The following HPSE2 variants were observed in gnomAD, a reference collection of about 807,000 sequenced individuals.
The protein encoded by HPSE2 is inactive heparanase-2.
In HPSE2, 38 loss-of-function variants were observed where a neutral mutation model predicts 60.5. The ratio of observed to expected loss-of-function variants is 0.63; its 90% CI spans 0.48 to 0.82. HPSE2 has a LOEUF of 0.82. HPSE2 is among the 40% of genes least tolerant of loss of function. The probability of loss-of-function intolerance (pLI) is 0.00; values close to 1 mark genes in which losing one functional copy is unlikely to be tolerated. For missense variants in HPSE2, 713 were observed against 740.4 expected, an observed-to-expected ratio of 0.96 and a Z score of 0.43; for synonymous variants, 295 against 293.2, an observed-to-expected ratio of 1.01 and a Z score of -0.06.
intron 9 of HPSE2, among the ~76,000 whole-genome samples, chr10:98,521,272 A>G (rs962428083): frequency 1.3e-5 from 2 of 152,222 alleles, no homozygotes; most frequent in African/African-American, 4.8e-5. Flanking sequence ...AGAATCTACA[A>G]AGAACTCAAA....
At chr10:98,839,118 T>C (rs1193380780) in intron 3 of HPSE2, among the ~76,000 whole-genome samples, 1 of 152,200 alleles carries the variant, frequency 6.6e-6, no homozygotes, top group East Asian at 1.9e-4. Context: ...ATTTACTTCA[T>C]TCATCTAGAC....
At chr10:98,817,233 C>T (rs756768494) in intron 3 of HPSE2, among the ~76,000 whole-genome samples, 19 of 152,110 alleles carry the variant, frequency 1.2e-4, no homozygotes, top group Non-Finnish European at 1.9e-4. Flanking sequence ...TTATAAGTTT[C>T]GGATTCTTTA....
At chr10:98,771,293 T>A (rs1950235055) in intron 3 of HPSE2, among the ~76,000 whole-genome samples, 1 of 152,198 alleles carries the variant, frequency 6.6e-6, no homozygotes, top group Admixed American at 6.6e-5. Flanking sequence ...CTATCAGGGC[T>A]ATATTGGAAA....
chr10:99,300,631 G>A, the HPSE2 span, among the ~76,000 whole-genome samples: 60 of 152,324 alleles, frequency 3.9e-4, no homozygotes, highest in African/African-American at 1.3e-3. Context: ...TTCAGTTTGG[G>A]ATGCCTCATG....
At chr10:98,824,861 C>CA (rs1951506518) in intron 3 of HPSE2, among the ~76,000 whole-genome samples, 1 of 152,208 alleles carries the variant, frequency 6.6e-6, no homozygotes, top group Non-Finnish European at 1.5e-5. Context: ...TAGCAGGCTT[C>CA]ATTGCAGTTA....
At chr10:99,218,253 T>C (rs1456459933) in intron 2 of HPSE2, among the ~76,000 whole-genome samples, 2 of 150,830 alleles carry the variant, frequency 1.3e-5, no homozygotes, top group African/African-American at 2.4e-5. Flanking sequence ...TTGAGTTTCC[T>C]TGAAGCTTTC....
chr10:99,142,744 A>C (rs1277136266), intron 3 of HPSE2, among the ~76,000 whole-genome samples: 2 of 152,128 alleles, frequency 1.3e-5, no homozygotes, highest in African/African-American at 2.4e-5. Flanking sequence ...ATTCCACTAA[A>C]CTCAATAGAA....
At chr10:99,257,920 A>C in the HPSE2 span, among the ~76,000 whole-genome samples, 2 of 152,110 alleles carry the variant, frequency 1.3e-5, no homozygotes, top group South Asian at 4.1e-4. Flanking sequence ...CACTTAGGGA[A>C]AATAGAAAAG....
chr10:98,768,870 G>A (rs2801411), intron 3 of HPSE2, among the ~76,000 whole-genome samples: 16,097 of 152,028 alleles, frequency 0.11, 2,126 homozygotes, highest in African/African-American at 0.3. Context: ...GGCCAACATC[G>A]TGAAACCTCA....
chr10:98,573,508 G>A (rs1388234426), intron 9 of HPSE2, among the ~76,000 whole-genome samples: 1 of 152,166 alleles, frequency 6.6e-6, no homozygotes, highest in African/African-American at 2.4e-5. Flanking sequence ...CAAGAATGAA[G>A]AGAACATTTG....
At chr10:98,968,621 TAAAGAA>T (rs1955873778) in intron 3 of HPSE2, among the ~76,000 whole-genome samples, 1 of 152,076 alleles carries the variant, frequency 6.6e-6, no homozygotes, top group African/African-American at 2.4e-5. Context: ...AATGAGTAGA[TAAAGAA>T]AATGTGGTAT....
At chr10:98,818,943 G>C (rs1951354120) in intron 3 of HPSE2, among the ~76,000 whole-genome samples, 1 of 152,142 alleles carries the variant, frequency 6.6e-6, no homozygotes, top group Admixed American at 6.5e-5. Context: ...TTTGTAAGGT[G>C]GATAAAGTGA....
chr10:98,725,513 T>A (rs1422923159), intron 4 of HPSE2, among the ~76,000 whole-genome samples: 1 of 152,182 alleles, frequency 6.6e-6, no homozygotes, highest in Non-Finnish European at 1.5e-5. Flanking sequence ...GACTTAAATG[T>A]TAGACCTAAA....
Position 98,520,351 on chromosome 10 carries a change from T to C in HPSE2, c.1321-30155A>G, listed in dbSNP as rs369641556. ...CCAGTGCCTCCATTTCTCTCCTCGC[T>C]CGTGAGCAGTTCAGATGCTAGACAG... is the stretch of plus-strand genomic sequence containing the variant. On this transcript the variant is annotated intron_variant, in intron 9 of 11. Transcript: ENST00000370552. Among the ~76,000 whole-genome samples the C allele has an allele frequency of 1.8e-4, 28 of 152,358 alleles. 1 individual carries two copies. In the East Asian group the frequency reaches 2.5e-3, roughly 14 times the overall value.
In HPSE2 at chr10:99,016,048, C is replaced by A. The variant is rs150892533; in HGVS notation, c.610+128190G>T. On this transcript the variant is annotated intron_variant, in intron 3 of 11. Transcript: ENST00000370552. ...CAGAAGCTCTTTAGTTTAATCAGAT[C>A]CCATTTGTCAATTTTTGCTTTAGTT... Among the ~76,000 whole-genome samples the A allele has an allele frequency of 3.0e-3, 458 of 152,232 alleles. 4 individuals carry two copies. Among genetic ancestry groups the A allele is most frequent in the African/African-American group, 0.01 (436 of 41,548 alleles).
the HPSE2 span, among the ~76,000 whole-genome samples, chr10:99,257,475 C>T: frequency 8.5e-5 from 13 of 152,118 alleles, no homozygotes; most frequent in African/African-American, 3.1e-4. Flanking sequence ...ATGGTCGAAG[C>T]TGTAGGGATG....
chr10:99,002,998 T>C (rs1179987482), intron 3 of HPSE2, among the ~76,000 whole-genome samples: 1 of 152,034 alleles, frequency 6.6e-6, no homozygotes, highest in Non-Finnish European at 1.5e-5. Flanking sequence ...AAATTTTGTA[T>C]TCTTTGACCA....
intron 5 of HPSE2, among the ~76,000 whole-genome samples, chr10:98,694,868 A>T (rs1948171088): frequency 1.3e-5 from 2 of 152,220 alleles, no homozygotes; most frequent in South Asian, 4.1e-4. Context: ...TCTTTAAGAC[A>T]TTCCTTTCAG....
intron 2 of HPSE2, among the ~76,000 whole-genome samples, chr10:99,175,394 C>T (rs1245955374): frequency 1.3e-5 from 2 of 152,216 alleles, no homozygotes; most frequent in African/African-American, 4.8e-5. Context: ...GCTGCCAGCA[C>T]AGCAGTCTGA....
Sources: gnomAD v4.1 joint callset for allele counts (sites outside exome capture counted in the v4.1 genomes callset) on GRCh38, gnomAD v4.1.1 for gene constraint, MANE v1.5 for transcripts, NCBI Gene and HGNC (gene_info 2026-07-23, HGNC 2026-07-21) for gene names.